SPOCK1: variants seen among roughly 807,000 people sequenced by gnomAD.
SPOCK1 encodes SPARC (osteonectin), cwcv and kazal like domains proteoglycan 1.
A neutral mutation model predicts 55.3 loss-of-function variants in SPOCK1; 23 were observed. The observed-to-expected ratio is 0.42, with a 90% CI of 0.30 to 0.59. The LOEUF is 0.59. Among genes scored for constraint, SPOCK1 ranks in the 20% least tolerant of loss-of-function variants. The probability of loss-of-function intolerance (pLI) is 0.22; values close to 1 mark genes in which losing one functional copy is unlikely to be tolerated. For missense variants in SPOCK1, 499 were observed against 552.5 expected (o/e 0.90, Z 0.97); for synonymous variants, 226 against 221.0 (o/e 1.02, Z -0.20).
intron 2 of SPOCK1, among the ~76,000 whole-genome samples, chr5:137,344,173 G>A (rs1183831512): frequency 6.6e-6 from 1 of 152,220 alleles, no homozygotes; most frequent in Admixed American, 6.5e-5. Context: ...CCTCCCAAGA[G>A]GCTCCCATGC....
chr5:137,090,603 G>A (rs770969484), intron 5 of SPOCK1, among the ~76,000 whole-genome samples: 2 of 152,196 alleles, frequency 1.3e-5, no homozygotes, highest in African/African-American at 4.8e-5. Context: ...GGACCCAGCA[G>A]GCACCTTTGC....
At chr5:137,133,171 C>T (rs1397202934) in intron 4 of SPOCK1, among the ~76,000 whole-genome samples, 3 of 151,952 alleles carry the variant, frequency 2.0e-5, no homozygotes, top group Non-Finnish European at 4.4e-5. Context: ...TGATACAGAC[C>T]ATCCTGGCTA....
At chr5:137,267,333 C>A (rs1382146239) in intron 2 of SPOCK1, among the ~76,000 whole-genome samples, 1 of 152,190 alleles carries the variant, frequency 6.6e-6, no homozygotes, top group Admixed American at 6.5e-5. Flanking sequence ...GACATATAAA[C>A]CCAGACACCT....
Position 137,450,645 on chromosome 5 carries a change from T to TG in SPOCK1, c.186+47727dup, listed in dbSNP as rs1207951429. 4.6e-5 allele frequency among the ~76,000 whole-genome samples: 7 copies of TG among 152,314 alleles called. No individual in the cohort carries two copies. In the East Asian group the frequency reaches 1.4e-3, roughly 29 times the overall value. On this transcript the variant is annotated intron_variant, in intron 2 of 10. Coordinates refer to ENST00000394945, the MANE Select transcript of SPOCK1 (RefSeq NM_004598.4). ...ACTTTTCTCCAGGCCCTGAAAATTA[T>TG]GTAGACAGTCCTTAGCTCCGAACTT...
intron 2 of SPOCK1, among the ~76,000 whole-genome samples, chr5:137,475,716 G>T (rs1222328368): frequency 6.6e-6 from 1 of 151,996 alleles, no homozygotes; most frequent in Non-Finnish European, 1.5e-5. Flanking sequence ...ATGAGTAGCT[G>T]GGACTACAAG....
At chr5:137,186,773 T>C (rs1580797058) in intron 3 of SPOCK1, among the ~76,000 whole-genome samples, 1 of 152,272 alleles carries the variant, frequency 6.6e-6, no homozygotes, top group East Asian at 1.9e-4. Flanking sequence ...CTGGTCTCCA[T>C]CCAGTGTATA....
rs539718440 is a variant in SPOCK1, at chr5:137,042,119, T to TA, written c.589+25595dup. Among the ~76,000 whole-genome samples the TA allele has an allele frequency of 1.2e-4, 19 of 152,208 alleles. No individual in the cohort carries two copies. In the East Asian group the frequency reaches 2.3e-3, roughly 19 times the overall value. On this transcript the variant is annotated intron_variant, in intron 6 of 10. Coordinates refer to ENST00000394945, the MANE Select transcript of SPOCK1 (RefSeq NM_004598.4). ...CATACAATGGACTACTATTCAGTGA[T>TA]AAAAAAATAAATGAGCTATCAAACT...
At chr5:137,059,322 T>C (rs1169091581) in intron 6 of SPOCK1, among the ~76,000 whole-genome samples, 1 of 152,194 alleles carries the variant, frequency 6.6e-6, no homozygotes, top group African/African-American at 2.4e-5. Context: ...GTATGATATA[T>C]AAAAGGCAGG....
At chr5:137,180,355 A>G (rs1474162036) in intron 3 of SPOCK1, among the ~76,000 whole-genome samples, 1 of 136,750 alleles carries the variant, frequency 7.3e-6, no homozygotes, top group Non-Finnish European at 1.6e-5. Context: ...TAAGGGGGTC[A>G]TGACTGGGGT....
At chr5:137,300,680 TAG>T (rs571233827) in intron 2 of SPOCK1, among the ~76,000 whole-genome samples, 21 of 132,038 alleles carry the variant, frequency 1.6e-4, no homozygotes, top group African/African-American at 6.2e-4. Context: ...ATAACTTGGG[TAG>T]AGTTTACAAT....
At chr5:137,075,028 C>T (rs879579438) in intron 5 of SPOCK1, among the ~76,000 whole-genome samples, 7 of 151,850 alleles carry the variant, frequency 4.6e-5, no homozygotes, top group Admixed American at 2.6e-4. Context: ...TAGTACAGAC[C>T]GGGTTTCACC....
intron 3 of SPOCK1, among the ~76,000 whole-genome samples, chr5:137,235,611 T>G (rs1756165399): frequency 6.6e-6 from 1 of 152,250 alleles, no homozygotes; most frequent in South Asian, 2.1e-4. Flanking sequence ...CACACATGTG[T>G]GAGCAGGTAG....
At chr5:137,430,461 C>T (rs1031442830) in intron 2 of SPOCK1, among the ~76,000 whole-genome samples, 2 of 152,144 alleles carry the variant, frequency 1.3e-5, no homozygotes, top group Non-Finnish European at 1.5e-5. Flanking sequence ...ATTTATTTTG[C>T]CCATGATGTT....
chr5:137,295,706 T>G (rs113020424), intron 2 of SPOCK1, among the ~76,000 whole-genome samples: 2 of 118,046 alleles, frequency 1.7e-5, no homozygotes, highest in African/African-American at 7.0e-5. Flanking sequence ...GCAAGTTTAG[T>G]TAATACATTT....
At chr5:137,400,691 A>G (rs116563075) in intron 2 of SPOCK1, among the ~76,000 whole-genome samples, 1,925 of 152,300 alleles carry the variant, frequency 0.013, 32 homozygotes, top group African/African-American at 0.044. Flanking sequence ...TGGTCCTTGC[A>G]GGGCCCTCAG....
chr5:137,400,782 G>A (rs1463743293), intron 2 of SPOCK1, among the ~76,000 whole-genome samples: 1 of 152,136 alleles, frequency 6.6e-6, no homozygotes, highest in African/African-American at 2.4e-5. Flanking sequence ...ATGCTGCATG[G>A]GCAAACACCC....
At chr5:137,023,837 G>A (rs1751617867) in intron 6 of SPOCK1, among the ~76,000 whole-genome samples, 2 of 152,050 alleles carry the variant, frequency 1.3e-5, no homozygotes, top group South Asian at 4.2e-4. Context: ...TCCCACCAAA[G>A]ACATTGAGTA....
intron 2 of SPOCK1, among the ~76,000 whole-genome samples, chr5:137,269,896 G>A (rs1354000836): frequency 6.6e-6 from 1 of 151,984 alleles, no homozygotes; most frequent in East Asian, 1.9e-4. Flanking sequence ...CTAAGACTCA[G>A]GTGGCAGAGC....
At chr5:137,399,809 T>C (rs1455838506) in intron 2 of SPOCK1, among the ~76,000 whole-genome samples, 2 of 152,222 alleles carry the variant, frequency 1.3e-5, no homozygotes, top group African/African-American at 4.8e-5. Context: ...GAAGTCTCTC[T>C]TCAGAGCCCT....
Sources: allele counts gnomAD v4.1 joint callset (sites outside exome capture counted in the v4.1 genomes callset), GRCh38; gene constraint gnomAD v4.1.1; transcripts MANE v1.5; gene names NCBI Gene and HGNC (gene_info 2026-07-23, HGNC 2026-07-21).